The following INSIG2 variants were observed in gnomAD, a reference collection of about 807,000 sequenced individuals.
INSIG2 encodes insulin induced gene 2.
In INSIG2, 10 loss-of-function variants were observed where a neutral mutation model predicts 27.2. That is an observed-to-expected ratio of 0.37 (90% CI 0.23 to 0.62). The LOEUF (loss-of-function observed/expected upper bound fraction) is 0.62, where lower values mean the gene tolerates loss of function less well. Ranked by LOEUF, INSIG2 falls within the 20% of genes least tolerant of loss-of-function variation. The pLI is 0.65. For synonymous variants in INSIG2, 97 were observed against 95.8 expected (o/e 1.01, Z -0.07); for missense variants, 178 against 270.2 (o/e 0.66, Z 2.39).
At chr2:118,105,426 C>G (rs1186491974) in intron 3 of INSIG2, among the ~76,000 whole-genome samples, 4 of 152,174 alleles carry the variant, frequency 2.6e-5, no homozygotes, top group Non-Finnish European at 5.9e-5. Context: ...GTTTAGTTAG[C>G]AAACATGAAA....
chr2:118,095,490 G>T (rs1266150729), intron 1 of INSIG2, among the ~76,000 whole-genome samples: 1 of 152,134 alleles, frequency 6.6e-6, no homozygotes, highest in East Asian at 1.9e-4. Context: ...ACCTCTGAAG[G>T]TTATTGTGAG....
chr2:118,104,395 G>C (rs1461329703), intron 3 of INSIG2, among the ~76,000 whole-genome samples: 1 of 152,170 alleles, frequency 6.6e-6, no homozygotes, highest in Non-Finnish European at 1.5e-5. Context: ...AGTTGTGCTG[G>C]CTGTTGCAGG....
At chr2:118,097,612 C>A (rs1044775090) in intron 2 of INSIG2, among the ~76,000 whole-genome samples, 1 of 152,024 alleles carries the variant, frequency 6.6e-6, no homozygotes, top group African/African-American at 2.4e-5. Context: ...TGCCATACTT[C>A]CACAATGGAT....
chr2:118,102,032 G>T (rs1336799806), intron 2 of INSIG2, among the ~76,000 whole-genome samples: 2 of 152,196 alleles, frequency 1.3e-5, no homozygotes, highest in African/African-American at 4.8e-5. Flanking sequence ...TGAATGCATT[G>T]CCTGTGAGAT....
At chr2:118,098,325 A>G (rs1162024911) in intron 2 of INSIG2, among the ~76,000 whole-genome samples, 1 of 152,212 alleles carries the variant, frequency 6.6e-6, no homozygotes, top group Non-Finnish European at 1.5e-5. Flanking sequence ...TGTGCTAGGT[A>G]CATCCTGTAA....
chr2:118,097,451 A>G (rs535481007), intron 2 of INSIG2, among the ~76,000 whole-genome samples: 54 of 152,310 alleles, frequency 3.5e-4, no homozygotes, highest in Non-Finnish European at 5.6e-4. Context: ...TCTTGTTTTT[A>G]TAAGTACCTT....
At position 118,096,465 on chromosome 2, in the gene INSIG2, G is replaced by T. The variant is rs1678405688; in HGVS notation, c.-92G>T. 6 of 1,300,560 alleles carry T rather than the reference G, an allele frequency of 4.6e-6. No individual in the cohort carries two copies. Among genetic ancestry groups the T allele is most frequent in the Non-Finnish European group, 5.3e-6 (5 of 951,518 alleles). The allele number at this position is 1,300,560 out of a possible 1,614,324, so 80.6% of individuals were successfully genotyped here. On this transcript the variant is annotated 5_prime_UTR_variant, in exon 2 of 6. Transcript: ENST00000245787. ...TAGGACAAGATGTGGTACCGTTGAA[G>T]CGTCAGTCTTTGATTCACAGACAGT...
In INSIG2 at chr2:118,094,789, T is replaced by C. The variant is rs571576426; in HGVS notation, c.-138-1630T>C. On this transcript the variant is annotated intron_variant, in intron 1 of 5. Transcript: ENST00000245787. ...GATATTCTCATTTTCATACTAGTTA[T>C]TTGTAATTCAGCCCCATTCTCTGCG... Among the ~76,000 whole-genome samples the C allele has an allele frequency of 3.9e-5, 6 of 152,334 alleles. No homozygotes were observed. In the East Asian group the frequency reaches 9.6e-4, roughly 24 times the overall value.
At chr2:118,107,005 TAC>T in intron 4 of INSIG2, 83 bp from the exon 5 acceptor site, 1 of 1,484,576 alleles carries the variant, frequency 6.7e-7, no homozygotes, top group Non-Finnish European at 9.4e-7. Context: ...CAGTTTAATC[TAC>T]AGAGTAGTTT....
At chr2:118,097,198 C>G (rs966538964) in intron 2 of INSIG2, among the ~76,000 whole-genome samples, 1 of 152,146 alleles carries the variant, frequency 6.6e-6, no homozygotes, top group Non-Finnish European at 1.5e-5. Flanking sequence ...AAACTTTTAA[C>G]ATTTAATTCT....
At chr2:118,106,240 G>A (rs1175959079) in intron 3 of INSIG2, among the ~76,000 whole-genome samples, 2 of 152,170 alleles carry the variant, frequency 1.3e-5, no homozygotes, top group African/African-American at 4.8e-5. Context: ...GTAAATCATA[G>A]AGAGAATGTG....
intron 2 of INSIG2, among the ~76,000 whole-genome samples, chr2:118,099,835 T>G (rs1211121644): frequency 6.6e-6 from 1 of 152,210 alleles, no homozygotes; most frequent in Non-Finnish European, 1.5e-5. Context: ...TCTTTCTTGG[T>G]CCATCCCTCA....
At chr2:118,096,340 T>A in intron 1 of INSIG2, 79 bp from the exon 2 acceptor site, 1 of 428,364 alleles carries the variant, frequency 2.3e-6, no homozygotes, top group African/African-American at 2.0e-5. Flanking sequence ...CCATTTAAAT[T>A]AACTAGTATT....
chr2:118,107,111 C>T lies in INSIG2; in HGVS notation c.558C>T (p.Leu186=). 2.5e-6 allele frequency: 4 copies of T among 1,612,248 alleles called. No individual in the cohort carries two copies. Among genetic ancestry groups the T allele is most frequent in the Non-Finnish European group, 3.4e-6 (4 of 1,178,490 alleles). ...GVYQYTSPDF[L]YVRSWLPCIF... Reference sequence around the variant, plus strand: ...CTAGATATACATCTCCAGATTTCCTCTATGTTCGTTCTTGGTTACCATGTA... The same window carrying T: ...CTAGATATACATCTCCAGATTTCCTTTATGTTCGTTCTTGGTTACCATGTA... Residue 186 remains leucine, a synonymous_variant, in exon 5 of 6, where the codon CTC becomes CTT. Coordinates refer to ENST00000245787, the MANE Select transcript of INSIG2 (RefSeq NM_016133.4).
intron 2 of INSIG2, 57 bp from the exon 3 acceptor site, chr2:118,103,140 T>A: frequency 6.6e-7 from 1 of 1,509,476 alleles, no homozygotes; most frequent in Non-Finnish European, 9.0e-7. Flanking sequence ...TCTTTTAGCT[T>A]AAGTGTTGCC....
intron 2 of INSIG2, among the ~76,000 whole-genome samples, chr2:118,100,193 C>T (rs1296759168): frequency 6.6e-6 from 1 of 151,982 alleles, no homozygotes; most frequent in East Asian, 1.9e-4. Flanking sequence ...CTGAATGCTC[C>T]TGCCTCAAGG....
intron 1 of INSIG2, among the ~76,000 whole-genome samples, chr2:118,094,204 G>A (rs1038575553): frequency 3.4e-5 from 5 of 148,632 alleles, no homozygotes; most frequent in Non-Finnish European, 5.9e-5. Context: ...GGAGAGTTCT[G>A]TAGCTACTGA....
intron 1 of INSIG2, among the ~76,000 whole-genome samples, chr2:118,092,859 AGATGATGATGATGAT>A (rs760155161): frequency 6.7e-5 from 10 of 148,220 alleles, no homozygotes; most frequent in Non-Finnish European, 7.6e-5. Flanking sequence ...AAAAGCAACC[AGATGATGATGATGAT>A]GATGATGATG....
chr2:118,106,377 C>G (rs1678673273), intron 3 of INSIG2, among the ~76,000 whole-genome samples: 1 of 152,146 alleles, frequency 6.6e-6, no homozygotes, highest in Middle Eastern at 3.2e-3. Context: ...TTTAGTGATA[C>G]TTGTGTTCTG....
Sources: allele counts gnomAD v4.1 joint callset (sites outside exome capture counted in the v4.1 genomes callset), GRCh38; gene constraint gnomAD v4.1.1; transcripts MANE v1.5; gene names NCBI Gene and HGNC (gene_info 2026-07-23, HGNC 2026-07-21).